FARS2: variants seen among roughly 807,000 people sequenced by gnomAD.
FARS2 encodes the protein phenylalanine--tRNA ligase, mitochondrial.
A neutral mutation model predicts 46.4 loss-of-function variants in FARS2; 40 were observed. That is an observed-to-expected ratio of 0.86 (90% CI 0.67 to 1.12). The LOEUF (loss-of-function observed/expected upper bound fraction) is 1.12, where lower values mean the gene tolerates loss of function less well. Among genes scored for constraint, FARS2 ranks in the 50% most tolerant of loss-of-function variants. FARS2 has a pLI of 0.00. For missense variants in FARS2, 513 were observed against 567.9 expected (o/e 0.90, Z 0.98); for synonymous variants, 234 against 214.9 (o/e 1.09, Z -0.78).
At chr6:5,710,708 A>G (rs1457869038) in intron 6 of FARS2, among the ~76,000 whole-genome samples, 1 of 152,220 alleles carries the variant, frequency 6.6e-6, no homozygotes, top group Non-Finnish European at 1.5e-5. Context: ...AGAGCTGCCC[A>G]GAGAGAGGGC....
intron 4 of FARS2, among the ~76,000 whole-genome samples, chr6:5,446,481 G>A (rs939525620): frequency 6.6e-6 from 1 of 152,092 alleles, no homozygotes; most frequent in African/African-American, 2.4e-5. Context: ...TGTGTGGTAG[G>A]AACCATACCC....
At chr6:5,763,569 A>G (rs1762596702) in intron 6 of FARS2, among the ~76,000 whole-genome samples, 1 of 152,210 alleles carries the variant, frequency 6.6e-6, no homozygotes, top group African/African-American at 2.4e-5. Flanking sequence ...ACTGGGGGCA[A>G]AAATGAGGCC....
the FARS2 span, among the ~76,000 whole-genome samples, chr6:5,254,538 C>A: frequency 6.6e-6 from 1 of 152,296 alleles, no homozygotes; most frequent in South Asian, 2.1e-4. Flanking sequence ...CAACTTGCTA[C>A]CTAGGTACTA....
chr6:5,380,025 A>G (rs1288421819), intron 2 of FARS2, among the ~76,000 whole-genome samples: 3 of 152,226 alleles, frequency 2.0e-5, no homozygotes, highest in Non-Finnish European at 1.5e-5. Context: ...GCTATCATTT[A>G]TGCAATTACA....
intron 1 of FARS2, among the ~76,000 whole-genome samples, chr6:5,348,862 G>A (rs1757401723): frequency 6.6e-6 from 1 of 152,020 alleles, no homozygotes; most frequent in African/African-American, 2.4e-5. Context: ...AAAATCCTAA[G>A]TTAACCTCAT....
rs1215231834 is a variant in FARS2, at chr6:5,528,205, A to G, written c.905-16975A>G. Among the ~76,000 whole-genome samples, 5 of 152,008 alleles carry G rather than the reference A, an allele frequency of 3.3e-5. No individual in the cohort carries two copies. The East Asian group carries it at 7.7e-4, about 23-fold the overall frequency. On this transcript the variant is annotated intron_variant, in intron 4 of 6. Coordinates refer to ENST00000274680, the MANE Select transcript of FARS2 (RefSeq NM_006567.5). Reference sequence around the variant, plus strand: ...TACCTTTTTTAAAATTTGTATTTAAAAAAAAAAGAGATGGAGGTTTCACTC... The same window carrying G: ...TACCTTTTTTAAAATTTGTATTTAAGAAAAAAAGAGATGGAGGTTTCACTC...
intron 6 of FARS2, among the ~76,000 whole-genome samples, chr6:5,638,811 A>G (rs907937307): frequency 7.9e-5 from 12 of 152,190 alleles, no homozygotes; most frequent in African/African-American, 2.4e-5. Flanking sequence ...TGATTGGTCC[A>G]TAGAGCCACC....
intron 6 of FARS2, among the ~76,000 whole-genome samples, chr6:5,619,451 G>A (rs949100282): frequency 3.3e-5 from 5 of 152,072 alleles, no homozygotes; most frequent in African/African-American, 7.2e-5. Flanking sequence ...GCTCACAGTC[G>A]CAGATGGGGC....
rs1486100917 is a variant in FARS2, at chr6:5,768,992, T to A, written c.1218-2299T>A. Among the ~76,000 whole-genome samples the A allele has an allele frequency of 1.3e-5, 2 of 152,190 alleles. 1 individual carries two copies. The highest frequency in any genetic ancestry group is 4.8e-5 in the African/African-American group (2 of 41,442). ...ATGCCTAATTTTGATGAATTCCAAG[T>A]TTATCATTTTTTTTAATTTTTTCAC... On this transcript the variant is annotated intron_variant, in intron 6 of 6. Coordinates refer to ENST00000274680, the MANE Select transcript of FARS2 (RefSeq NM_006567.5).
chr6:5,340,025 C>A (rs920981313), intron 1 of FARS2, among the ~76,000 whole-genome samples: 1 of 152,178 alleles, frequency 6.6e-6, no homozygotes, highest in Non-Finnish European at 1.5e-5. Flanking sequence ...TAAGGATATG[C>A]CCACACTGTG....
intron 3 of FARS2, among the ~76,000 whole-genome samples, chr6:5,424,505 A>G (rs547941979): frequency 1.3e-5 from 2 of 152,346 alleles, no homozygotes; most frequent in South Asian, 4.1e-4. Context: ...GCCTCCAGAC[A>G]CATCATTCAG....
In FARS2 at chr6:5,339,451, C is replaced by T. The variant is rs562811110; in HGVS notation, c.-21-29099C>T. Among the ~76,000 whole-genome samples, 19 of 148,742 alleles carry T rather than the reference C, an allele frequency of 1.3e-4. No individual in the cohort carries two copies. In the South Asian group the frequency reaches 3.2e-3, roughly 25 times the overall value. On this transcript the variant is annotated intron_variant, in intron 1 of 6. Coordinates refer to ENST00000274680, the MANE Select transcript of FARS2 (RefSeq NM_006567.5). ...GAGACTTCTTTTTTTTTTTTTGAGA[C>T]GGAGTCTCACCTTGTCAGCCAGGTT... is the stretch of plus-strand genomic sequence containing the variant.
chr6:5,411,282 A>G (rs1052802731), intron 3 of FARS2, among the ~76,000 whole-genome samples: 3 of 128,502 alleles, frequency 2.3e-5, no homozygotes, highest in Non-Finnish European at 5.0e-5. Context: ...CTGTCTCTTT[A>G]AAACAAAACA....
rs189693633 is a variant in FARS2 at position 5,413,482 on chromosome 6, T to A, written c.772+8781T>A. 2.0e-5 allele frequency among the ~76,000 whole-genome samples: 3 copies of A among 152,236 alleles called. No individual in the cohort carries two copies. In the East Asian group the frequency reaches 5.8e-4, roughly 29 times the overall value. ...GGTATACAGGTGACCTAGAAACCAT[T>A]AAGATTTAGGGAGAGAGGGAAGATT... is the stretch of plus-strand genomic sequence containing the variant. On this transcript the variant is annotated intron_variant, in intron 3 of 6. Coordinates refer to ENST00000274680, the MANE Select transcript of FARS2 (RefSeq NM_006567.5).
rs377298153 is a variant in FARS2 at position 5,368,834 on chromosome 6, G to A, written c.264G>A (p.Leu88=). 10 of 1,614,048 alleles carry A rather than the reference G, an allele frequency of 6.2e-6. No homozygotes were observed. Among genetic ancestry groups the A allele is most frequent in the African/African-American group, 4.0e-5 (3 of 74,914 alleles). Reference sequence around the variant, plus strand: ...ACCAGCAGCATCACCCTCTGTGGCTGATCAAGGAGAGGGTGAAGGAGCACT... The same window carrying A: ...ACCAGCAGCATCACCCTCTGTGGCTAATCAAGGAGAGGGTGAAGGAGCACT... ...LHNQQHHPLW[L]IKERVKEHFY... The change falls in exon 2 of 7, where the codon CTG becomes CTA. Residue 88 remains leucine (L), a synonymous_variant. Coordinates refer to ENST00000274680, the MANE Select transcript of FARS2 (RefSeq NM_006567.5).
At chr6:5,738,841 C>T (rs1369238860) in intron 6 of FARS2, among the ~76,000 whole-genome samples, 3 of 151,854 alleles carry the variant, frequency 2.0e-5, no homozygotes, top group Admixed American at 1.3e-4. Context: ...GCGTGTGTAT[C>T]GTTGTCGGTT....
chr6:5,260,865 G>T (rs1165596430), upstream of FARS2: 13 of 1,466,894 alleles, frequency 8.9e-6, no homozygotes, highest in Non-Finnish European at 1.2e-5. Context: ...CAGCGGGCCG[G>T]GCCTAAGCCT....
In FARS2 at chr6:5,471,995, C is replaced by T. The variant is rs567140639; in HGVS notation, c.904+40823C>T. On this transcript the variant is annotated intron_variant, in intron 4 of 6. Coordinates refer to ENST00000274680, the MANE Select transcript of FARS2 (RefSeq NM_006567.5). This position sits in a 1 kb window ranked among gnomAD's most constrained non-coding sequence, Gnocchi z 4.1. ...CAGAATAGTCCCCCAGCTCCTTATC[C>T]CACATGGAGTTTTAATTTCCTTTTC... 6.6e-6 allele frequency among the ~76,000 whole-genome samples: 1 copy of T among 152,334 alleles called. No individual in the cohort carries two copies. Among genetic ancestry groups the T allele is most frequent in the South Asian group, 2.1e-4 (1 of 4,818 alleles).
chr6:5,758,598 T>C (rs1762329950), intron 6 of FARS2, among the ~76,000 whole-genome samples: 1 of 151,960 alleles, frequency 6.6e-6, no homozygotes, highest in African/African-American at 2.4e-5. Flanking sequence ...TGTTTTGTGC[T>C]TGTCTTGCTG....
Sources: gnomAD v4.1 joint callset for allele counts (sites outside exome capture counted in the v4.1 genomes callset) on GRCh38, gnomAD v4.1.1 for gene constraint, Gnocchi (gnomAD v3.1) non-coding constraint, MANE v1.5 for transcripts, NCBI Gene and HGNC (gene_info 2026-07-23, HGNC 2026-07-21) for gene names.